PRLR: variants seen among roughly 807,000 people sequenced by gnomAD.
The protein encoded by PRLR is prolactin receptor.
In PRLR, 13 loss-of-function variants were observed where a neutral mutation model predicts 40.2. The observed-to-expected ratio is 0.32, with a 90% CI of 0.21 to 0.51. The LOEUF is 0.51. Ranked by LOEUF, PRLR falls within the 20% of genes least tolerant of loss-of-function variation. The pLI is 0.97. For missense variants in PRLR, 656 were observed against 747.3 expected, an observed-to-expected ratio of 0.88 and a Z score of 1.42; for synonymous variants, 269 against 278.7, an observed-to-expected ratio of 0.97 and a Z score of 0.35.
rs370293882 is a variant in PRLR, at chr5:35,118,846, C to T, written c.-105-724G>A. Reference sequence around the variant, plus strand: ...TGTCTCCCAGGCTGGAGTGCAACGGCGCAATCACAGCTCACTGCAACTTCA... The same window carrying T: ...TGTCTCCCAGGCTGGAGTGCAACGGTGCAATCACAGCTCACTGCAACTTCA... On this transcript the variant is annotated intron_variant, in intron 1 of 9. Coordinates refer to ENST00000618457, the MANE Select transcript of PRLR (RefSeq NM_000949.7). Among the ~76,000 whole-genome samples, 9 of 151,550 alleles carry T rather than the reference C, an allele frequency of 5.9e-5. 1 individual carries two copies. Among genetic ancestry groups the T allele is most frequent in the Non-Finnish European group, 4.4e-5 (3 of 67,898 alleles).
chr5:35,082,401 C>T (rs2112447701), intron 5 of PRLR, among the ~76,000 whole-genome samples: 1 of 152,232 alleles, frequency 6.6e-6, no homozygotes, highest in South Asian at 2.1e-4. Context: ...CATACTTTCC[C>T]AACCTCAGCA....
At chr5:35,182,588 A>G (rs1775322585) in intron 1 of PRLR, among the ~76,000 whole-genome samples, 1 of 152,222 alleles carries the variant, frequency 6.6e-6, no homozygotes. Flanking sequence ...TTTCACACAG[A>G]AACAAAGGAC....
intron 2 of PRLR, among the ~76,000 whole-genome samples, chr5:35,108,071 T>C (rs917452719): frequency 1.3e-5 from 2 of 152,112 alleles, no homozygotes; most frequent in African/African-American, 4.8e-5. Flanking sequence ...TGGTCCAACA[T>C]ACACAAATCA....
At chr5:35,106,987 C>T (rs1187103634) in intron 2 of PRLR, among the ~76,000 whole-genome samples, 2 of 152,276 alleles carry the variant, frequency 1.3e-5, no homozygotes, top group East Asian at 1.9e-4. Context: ...TAAAGCTCTC[C>T]TCAGCAAATG....
rs1281111543 is a variant in PRLR at position 35,137,151 on chromosome 5, G to A, written c.-105-19029C>T. The stretch of plus-strand genomic sequence containing the variant: ...CACTCTACTTTTTAATCCTTACAGC[G>A]ACTCAGAGATAACAATAGACATTAC... On this transcript the variant is annotated intron_variant, in intron 1 of 9. Transcript: ENST00000618457. Among the ~76,000 whole-genome samples, 13 of 152,090 alleles carry A rather than the reference G, an allele frequency of 8.5e-5. 1 individual carries two copies. The highest frequency in any genetic ancestry group is 1.9e-4 in the Non-Finnish European group (13 of 68,024).
At chr5:35,075,691 G>C (rs1318706041) in intron 5 of PRLR, among the ~76,000 whole-genome samples, 2 of 152,192 alleles carry the variant, frequency 1.3e-5, no homozygotes, top group Non-Finnish European at 2.9e-5. Flanking sequence ...AGAGAGTAGT[G>C]GTTCTCCCAG....
At chr5:35,133,479 T>G (rs2111786238) in intron 1 of PRLR, among the ~76,000 whole-genome samples, 1 of 152,318 alleles carries the variant, frequency 6.6e-6, no homozygotes. Context: ...TCTTTAGGAA[T>G]GGAGATGCCA....
At chr5:35,093,118 G>T (rs1292350195) in intron 2 of PRLR, among the ~76,000 whole-genome samples, 3 of 152,108 alleles carry the variant, frequency 2.0e-5, no homozygotes, top group Non-Finnish European at 4.4e-5. Flanking sequence ...TAGGCCAACA[G>T]TTGAGAAAAA....
In PRLR at chr5:35,158,632, A is replaced by G. The variant is rs553100921; in HGVS notation, c.-105-40510T>C. 2.0e-5 allele frequency among the ~76,000 whole-genome samples: 3 copies of G among 152,228 alleles called. No homozygotes were observed. The East Asian group carries it at 5.8e-4, about 30-fold the overall frequency. ...TGCTGGCACGTATTGAGAGTATCCA[A>G]GTGAGAGTATCCAAGCCCCTCTGGA... On this transcript the variant is annotated intron_variant, in intron 1 of 9. Transcript: ENST00000618457.
chr5:35,143,088 T>TA (rs1774069321), intron 1 of PRLR, among the ~76,000 whole-genome samples: 1 of 151,874 alleles, frequency 6.6e-6, no homozygotes, highest in South Asian at 2.1e-4. Context: ...AACAACAAAA[T>TA]AAAAAATACA....
chr5:35,188,449 G>A (rs1412695431), intron 1 of PRLR, among the ~76,000 whole-genome samples: 1 of 152,200 alleles, frequency 6.6e-6, no homozygotes, highest in African/African-American at 2.4e-5. Context: ...TCAGCCCACT[G>A]AGTGAGCGAC....
intron 7 of PRLR, 112 bp downstream of exon 7, chr5:35,070,012 C>G: frequency 8.0e-7 from 1 of 1,250,622 alleles, no homozygotes; most frequent in East Asian, 2.5e-5. Flanking sequence ...AAACCCACCT[C>G]TATTGTTCTG....
At chr5:35,191,003 A>T (rs1476408695) in intron 1 of PRLR, among the ~76,000 whole-genome samples, 1 of 150,758 alleles carries the variant, frequency 6.6e-6, no homozygotes, top group East Asian at 2.1e-4. Flanking sequence ...GCCCCTACAG[A>T]CATTGACCAC....
chr5:35,071,117 G>A (rs1317335073), intron 6 of PRLR, among the ~76,000 whole-genome samples: 1 of 152,108 alleles, frequency 6.6e-6, no homozygotes, highest in Non-Finnish European at 1.5e-5. Flanking sequence ...ACAATATAGA[G>A]TACATAATAT....
rs927207250 is a variant in PRLR at position 35,060,215 on chromosome 5, G to A, written c.*4874C>T. On this transcript the variant is annotated 3_prime_UTR_variant, in exon 10 of 10. Transcript: ENST00000618457. The stretch of plus-strand genomic sequence containing the variant: ...TGACTCAGTCTTTTGCAGTGCCAAA[G>A]TCATTGTTGATGAATAATTTCATTT... 1.3e-5 allele frequency: 2 copies of A among 152,174 alleles called. No homozygotes were observed. Among genetic ancestry groups the A allele is most frequent in the African/African-American group, 2.4e-5 (1 of 41,450 alleles). The allele number at this position is 152,174 out of a possible 1,614,324, so 9.4% of individuals were successfully genotyped here.
intron 2 of PRLR, among the ~76,000 whole-genome samples, chr5:35,103,950 C>CT (rs973949244): frequency 1.5e-3 from 217 of 149,316 alleles, no homozygotes; most frequent in African/African-American, 4.7e-3. Flanking sequence ...TAATATTTTC[C>CT]TTTTTTTTTT....
intron 5 of PRLR, among the ~76,000 whole-genome samples, chr5:35,079,962 T>C (rs2112437330): frequency 6.6e-6 from 1 of 152,264 alleles, no homozygotes; most frequent in South Asian, 2.1e-4. Flanking sequence ...TAATAAATGG[T>C]GCTGGGAAAA....
chr5:35,206,664 A>G (rs1282744550), intron 1 of PRLR, among the ~76,000 whole-genome samples: 1 of 152,108 alleles, frequency 6.6e-6, no homozygotes, highest in Non-Finnish European at 1.5e-5. Context: ...TAAGTATAAG[A>G]TATGGATAGA....
intron 1 of PRLR, among the ~76,000 whole-genome samples, chr5:35,214,297 T>C (rs1776234625): frequency 6.6e-6 from 1 of 152,194 alleles, no homozygotes; most frequent in East Asian, 1.9e-4. Context: ...TCAGATAGTA[T>C]TTGGCAAGGA....
Sources: allele counts gnomAD v4.1 joint callset (sites outside exome capture counted in the v4.1 genomes callset), GRCh38; gene constraint gnomAD v4.1.1; transcripts MANE v1.5; gene names NCBI Gene and HGNC (gene_info 2026-07-23, HGNC 2026-07-21).